Variants in PUS7 observed in about 807,000 individuals in gnomAD.
PUS7 encodes pseudouridine synthase 7, also known as pseudouridylate synthase 7 homolog.
A neutral mutation model predicts 79.8 loss-of-function variants in PUS7; 48 were observed. The observed-to-expected ratio is 0.60, with a 90% CI of 0.48 to 0.76. The LOEUF is 0.76. PUS7 is among the 30% of genes least tolerant of loss of function. PUS7 has a pLI of 0.00. For missense variants in PUS7, 729 were observed against 797.6 expected (o/e 0.91, Z 1.04); for synonymous variants, 286 against 272.2 (o/e 1.05, Z -0.50).
At chr7:105,465,011 G>A (rs924429730) in intron 13 of PUS7, among the ~76,000 whole-genome samples, 5 of 152,014 alleles carry the variant, frequency 3.3e-5, no homozygotes, top group Non-Finnish European at 7.4e-5. Flanking sequence ...TAGAGACGGG[G>A]TTTTGCCAGG....
chr7:105,465,299 T>C lies in PUS7; in HGVS notation c.1627+14A>G, dbSNP rs371297534. 306 of 1,564,258 alleles carry C rather than the reference T, an allele frequency of 2.0e-4. No individual in the cohort carries two copies. Among genetic ancestry groups the C allele is most frequent in the Non-Finnish European group, 2.3e-4 (263 of 1,136,496 alleles). On this transcript the variant is annotated intron_variant, in intron 13 of 15. Transcript: ENST00000469408. ...AAACTTGTTTTAACTATTTTCCCCA[T>C]ACAGGGAACTTACTTTTATGCTTTG...
At chr7:105,517,739 G>T (rs1171105832) in intron 1 of PUS7, among the ~76,000 whole-genome samples, 5 of 152,052 alleles carry the variant, frequency 3.3e-5, no homozygotes, top group African/African-American at 1.2e-4. Context: ...CTCCAGTCTG[G>T]GCAACAGAGG....
chr7:105,508,381 T>G lies in PUS7; in HGVS notation c.132A>C (p.Gln44His), dbSNP rs1038667542. Reference protein sequence around the residue: ...KLSECSLTKGQDGLQNDFLSI... With the variant: ...KLSECSLTKGHDGLQNDFLSI... Reference sequence around the variant, plus strand: ...ACAGAAAGTCATTCTGTAGCCCATCTTGACCTTTGGTTAGACTGCATTCCG... The same window carrying G: ...ACAGAAAGTCATTCTGTAGCCCATCGTGACCTTTGGTTAGACTGCATTCCG... The change falls in exon 2 of 16, where the codon CAA becomes CAC. Residue 44 changes from glutamine (Q) to histidine (H), a missense_variant. Physicochemically the swap from Gln to His is conservative, Grantham distance 24 (BLOSUM62 0). Transcript: ENST00000469408. 10 of 1,614,044 alleles carry G rather than the reference T, an allele frequency of 6.2e-6. No individual in the cohort carries two copies. The African/African-American group carries it at 8.0e-5, about 13-fold the overall frequency.
chr7:105,496,725 T>C (rs1374303973), intron 5 of PUS7, among the ~76,000 whole-genome samples: 1 of 150,924 alleles, frequency 6.6e-6, no homozygotes, highest in Non-Finnish European at 1.5e-5. Context: ...CCCTTCCTTC[T>C]TGATAAATAT....
At position 105,465,059 on chromosome 7, in the gene PUS7, T is replaced by C. The variant is rs73415551; in HGVS notation, c.1627+254A>G. Among the ~76,000 whole-genome samples the C allele has an allele frequency of 0.081, 12,320 of 152,200 alleles. 630 individuals carry two copies. Among genetic ancestry groups the C allele is most frequent in the South Asian group, 0.16 (774 of 4,816 alleles). On this transcript the variant is annotated intron_variant, in intron 13 of 15. Coordinates refer to ENST00000469408, the MANE Select transcript of PUS7 (RefSeq NM_019042.5). ...GTCTCGAATTCCAGAGCTCAAGCGA[T>C]CCACCCATCTCAGCCTCCCAAAATG...
At chr7:105,474,089 C>T (rs972117671) in intron 9 of PUS7, among the ~76,000 whole-genome samples, 1 of 152,144 alleles carries the variant, frequency 6.6e-6, no homozygotes, top group Non-Finnish European at 1.5e-5. Context: ...TTTAGAAAGA[C>T]CCTTCCCTAT....
intron 8 of PUS7, among the ~76,000 whole-genome samples, chr7:105,481,973 A>G (rs112294487): frequency 0.036 from 5,402 of 152,156 alleles, 109 homozygotes; most frequent in Middle Eastern, 0.051. Flanking sequence ...CTTGTGATCC[A>G]CCTGCCAAGG....
intron 1 of PUS7, among the ~76,000 whole-genome samples, chr7:105,511,747 C>A (rs545471010): frequency 1.3e-5 from 2 of 151,668 alleles, no homozygotes; most frequent in South Asian, 4.2e-4. Context: ...GGCAACAGAG[C>A]GAGTCTCCAT....
chr7:105,507,793 C>T (rs549114246), intron 2 of PUS7, among the ~76,000 whole-genome samples: 6 of 152,094 alleles, frequency 3.9e-5, no homozygotes, highest in Admixed American at 2.0e-4. Flanking sequence ...CCGCCAGCCT[C>T]GGCCTCCCAA....
intron 9 of PUS7, among the ~76,000 whole-genome samples, chr7:105,479,342 T>C (rs1032760988): frequency 6.6e-6 from 1 of 152,058 alleles, no homozygotes; most frequent in African/African-American, 2.4e-5. Flanking sequence ...GCTGAAACAA[T>C]GGACTGGAAG....
chr7:105,465,678 C>T (rs1398255630), intron 12 of PUS7, among the ~76,000 whole-genome samples: 2 of 151,880 alleles, frequency 1.3e-5, no homozygotes, highest in Admixed American at 1.3e-4. Flanking sequence ...ACTAAAAATA[C>T]TAAAATTAGC....
chr7:105,476,776 G>A (rs1004507045), intron 9 of PUS7, among the ~76,000 whole-genome samples: 1 of 152,162 alleles, frequency 6.6e-6, no homozygotes, highest in Non-Finnish European at 1.5e-5. Context: ...CTTGTTATTT[G>A]TTGTTTTGTG....
intron 1 of PUS7, among the ~76,000 whole-genome samples, chr7:105,521,746 C>A (rs1290987141): frequency 6.6e-6 from 1 of 152,106 alleles, no homozygotes; most frequent in African/African-American, 2.4e-5. Flanking sequence ...GGGACAGCGC[C>A]GCGCGGGGAG....
intron 13 of PUS7, among the ~76,000 whole-genome samples, chr7:105,463,452 C>T (rs1435577206): frequency 6.6e-6 from 1 of 152,162 alleles, no homozygotes; most frequent in Non-Finnish European, 1.5e-5. Flanking sequence ...GCTGTCCCTC[C>T]TTTAACATTT....
intron 14 of PUS7, among the ~76,000 whole-genome samples, chr7:105,459,754 A>G (rs1259867837): frequency 6.6e-6 from 1 of 151,870 alleles, no homozygotes; most frequent in Non-Finnish European, 1.5e-5. Context: ...GCTCAATCCA[A>G]TTATATTCTA....
At chr7:105,509,331 C>T (rs779859038) in intron 1 of PUS7, among the ~76,000 whole-genome samples, 8 of 151,740 alleles carry the variant, frequency 5.3e-5, no homozygotes, top group African/African-American at 1.9e-4. Context: ...GACAGAAAAC[C>T]GGCATAATAC....
chr7:105,491,283 C>T (rs1824768950), intron 7 of PUS7, among the ~76,000 whole-genome samples: 2 of 152,160 alleles, frequency 1.3e-5, no homozygotes, highest in South Asian at 4.1e-4. Flanking sequence ...TTTTAAATAA[C>T]ATATTTAACA....
chr7:105,468,331 T>C lies in PUS7; in HGVS notation c.1525+6A>G. 6.2e-7 allele frequency: 1 copy of C among 1,610,080 alleles called. No homozygotes were observed. The highest frequency in any genetic ancestry group is 8.5e-7 in the Non-Finnish European group (1 of 1,178,884). On this transcript the variant is annotated splice_donor_region_variant and intron_variant, in intron 12 of 15. Transcript: ENST00000469408. The stretch of plus-strand genomic sequence containing the variant: ...AGCTGAGTAACAAAGACATCTGCCT[T>C]TTTACCTCCTTTGAGAACGAGGTCC...
rs989043620 is a variant in PUS7, at chr7:105,516,959, G to A, written c.-33+5093C>T. On this transcript the variant is annotated intron_variant, in intron 1 of 15. Transcript: ENST00000469408. ...GATATAAAGTTACTAGATGTGAAAA[G>A]GGGGGAGAGGGCAGTTTTATGCATT... 2.0e-5 allele frequency among the ~76,000 whole-genome samples: 3 copies of A among 152,166 alleles called. No individual in the cohort carries two copies. The East Asian group carries it at 5.8e-4, about 29-fold the overall frequency.
Sources: allele counts gnomAD v4.1 joint callset (sites outside exome capture counted in the v4.1 genomes callset), GRCh38; gene constraint gnomAD v4.1.1; transcripts MANE v1.5; gene names NCBI Gene and HGNC (gene_info 2026-07-23, HGNC 2026-07-21).